The following FHIT variants were observed in gnomAD, a reference collection of about 807,000 sequenced individuals.
FHIT encodes the protein bis(5'-adenosyl)-triphosphatase.
Under a neutral mutation model 17.9 loss-of-function variants are expected in FHIT, and 19 were observed. That is an observed-to-expected ratio of 1.06 (90% CI 0.74 to 1.56). The LOEUF is 1.56. Ranked by LOEUF, FHIT falls within the 40% of genes most tolerant of loss-of-function variation. The pLI is 0.00. For missense variants in FHIT, 248 were observed against 189.2 expected, an observed-to-expected ratio of 1.31 and a Z score of -1.82; for synonymous variants, 81 against 69.7, an observed-to-expected ratio of 1.16 and a Z score of -0.81.
chr3:59,927,070 C>G (rs1559737919), intron 7 of FHIT, among the ~76,000 whole-genome samples: 1 of 152,016 alleles, frequency 6.6e-6, no homozygotes, highest in Admixed American at 6.6e-5. Flanking sequence ...ATAAAAAACT[C>G]AAATGACTAT....
chr3:60,745,044 T>G (rs1024570815), intron 4 of FHIT, among the ~76,000 whole-genome samples: 2 of 151,998 alleles, frequency 1.3e-5, no homozygotes, highest in African/African-American at 4.8e-5. Context: ...GCCCAGGAGT[T>G]TGAGACCTGC....
intron 5 of FHIT, among the ~76,000 whole-genome samples, chr3:60,040,864 A>C (rs1462145340): frequency 1.3e-5 from 2 of 152,020 alleles, no homozygotes; most frequent in Non-Finnish European, 2.9e-5. Context: ...CTTTTAATTA[A>C]CATGGGGTGG....
At chr3:59,815,754 G>C (rs9882591) in intron 8 of FHIT, among the ~76,000 whole-genome samples, 20,603 of 152,044 alleles carry the variant, frequency 0.14, 1,691 homozygotes, top group African/African-American at 0.22. Flanking sequence ...TGGGAGGGGG[G>C]TGAGGGATGA....
At chr3:60,412,008 TG>T (rs1485287322) in intron 5 of FHIT, among the ~76,000 whole-genome samples, 2 of 151,800 alleles carry the variant, frequency 1.3e-5, no homozygotes, top group African/African-American at 4.8e-5. Context: ...TTGCCTGGGG[TG>T]GGGGGAAACA....
intron 5 of FHIT, among the ~76,000 whole-genome samples, chr3:60,488,690 G>A (rs2033942675): frequency 6.6e-6 from 1 of 152,112 alleles, no homozygotes; most frequent in Non-Finnish European, 1.5e-5. Flanking sequence ...GCAGTCCTAT[G>A]TTGCCTAGTA....
At chr3:60,106,775 C>G (rs775715976) in intron 5 of FHIT, among the ~76,000 whole-genome samples, 2 of 152,136 alleles carry the variant, frequency 1.3e-5, no homozygotes, top group African/African-American at 2.4e-5. Context: ...TATTGATGGA[C>G]GGCAGGAAAC....
At chr3:60,941,081 A>T (rs782733445) in intron 3 of FHIT, among the ~76,000 whole-genome samples, 2 of 152,240 alleles carry the variant, frequency 1.3e-5, no homozygotes, top group African/African-American at 4.8e-5. Context: ...TAATCAGTAT[A>T]CAAATATAAT....
intron 5 of FHIT, among the ~76,000 whole-genome samples, chr3:60,353,203 A>G (rs1350517656): frequency 6.6e-6 from 1 of 152,114 alleles, no homozygotes; most frequent in Non-Finnish European, 1.5e-5. Flanking sequence ...AGACCCATTT[A>G]CCATGAAGCT....
intron 7 of FHIT, among the ~76,000 whole-genome samples, chr3:59,981,249 T>A (rs802772): frequency 0.36 from 54,777 of 151,926 alleles, 10,493 homozygotes; most frequent in Admixed American, 0.46. Context: ...ACATTTTTTT[T>A]AAATTTTAAC....
chr3:60,171,772 T>G (rs1000116906), intron 5 of FHIT, among the ~76,000 whole-genome samples: 1 of 152,132 alleles, frequency 6.6e-6, no homozygotes, highest in Non-Finnish European at 1.5e-5. Context: ...GAGGCATCAT[T>G]ACAGTTCACT....
intron 5 of FHIT, among the ~76,000 whole-genome samples, chr3:60,217,616 C>T (rs1488939058): frequency 6.6e-6 from 1 of 152,140 alleles, no homozygotes; most frequent in Non-Finnish European, 1.5e-5. Context: ...TCCACATGGA[C>T]CCTAAAGCTT....
chr3:60,303,592 T>A (rs1708537160), intron 5 of FHIT, among the ~76,000 whole-genome samples: 2 of 152,030 alleles, frequency 1.3e-5, no homozygotes, highest in South Asian at 2.1e-4. Context: ...CTGTGATCAG[T>A]GTTGATGTGT....
At chr3:60,072,096 A>G (rs1341102646) in intron 5 of FHIT, among the ~76,000 whole-genome samples, 1 of 152,214 alleles carries the variant, frequency 6.6e-6, no homozygotes, top group Non-Finnish European at 1.5e-5. Flanking sequence ...CTTGAAGGAC[A>G]TGAGGTAGGA....
intron 7 of FHIT, among the ~76,000 whole-genome samples, chr3:59,950,061 G>C (rs1304804163): frequency 6.6e-6 from 1 of 152,090 alleles, no homozygotes; most frequent in Non-Finnish European, 1.5e-5. Context: ...CTGCTTCCTG[G>C]CCTTTCTGGG....
At chr3:60,367,371 G>C (rs1050533019) in intron 5 of FHIT, among the ~76,000 whole-genome samples, 4 of 152,132 alleles carry the variant, frequency 2.6e-5, no homozygotes, top group African/African-American at 7.2e-5. Flanking sequence ...AGAATTCAAA[G>C]ATTATTACAT....
chr3:60,250,565 GTCAATTACAATTTAGAA>G (rs1705650016), intron 5 of FHIT, among the ~76,000 whole-genome samples: 1 of 152,132 alleles, frequency 6.6e-6, no homozygotes, highest in Non-Finnish European at 1.5e-5. Context: ...TATAATTAGG[GTCAATTACAATTTAGAA>G]TTTCCAGGGC....
At chr3:61,021,853 G>T (rs952571771) in intron 3 of FHIT, among the ~76,000 whole-genome samples, 8 of 152,146 alleles carry the variant, frequency 5.3e-5, no homozygotes, top group African/African-American at 1.9e-4. Flanking sequence ...GCAGTATTTA[G>T]AGGGAAATGT....
intron 5 of FHIT, among the ~76,000 whole-genome samples, chr3:60,355,392 A>G (rs1051372702): frequency 6.6e-6 from 1 of 151,934 alleles, no homozygotes; most frequent in Non-Finnish European, 1.5e-5. Context: ...CTAATCTGTC[A>G]TCTGTTATTT....
intron 3 of FHIT, among the ~76,000 whole-genome samples, chr3:60,950,239 T>C (rs1436563677): frequency 6.6e-6 from 1 of 152,066 alleles, no homozygotes; most frequent in Non-Finnish European, 1.5e-5. Flanking sequence ...AATTAAGTGG[T>C]GGAATATTTA....
Sources: gnomAD v4.1 joint callset for allele counts (sites outside exome capture counted in the v4.1 genomes callset) on GRCh38, gnomAD v4.1.1 for gene constraint, MANE v1.5 for transcripts, NCBI Gene and HGNC (gene_info 2026-07-23, HGNC 2026-07-21) for gene names.